Variants in DAP3 observed in about 807,000 individuals in gnomAD.
DAP3 encodes the protein small ribosomal subunit protein mS29.
In DAP3, 28 loss-of-function variants were observed where a neutral mutation model predicts 51.9. The observed-to-expected ratio is 0.54, with a 90% CI of 0.40 to 0.74. The LOEUF is 0.74. DAP3 is among the 30% of genes least tolerant of loss of function. DAP3 has a pLI of 0.00. For missense variants in DAP3, 458 were observed against 483.5 expected, an observed-to-expected ratio of 0.95 and a Z score of 0.49; for synonymous variants, 170 against 170.3, an observed-to-expected ratio of 1.00 and a Z score of 0.01.
chr1:155,700,942 G>A (rs1655173463), intron 1 of DAP3, among the ~76,000 whole-genome samples: 3 of 35,914 alleles, frequency 8.4e-5, no homozygotes, highest in South Asian at 1.2e-3. Context: ...CTGCCCGGCC[G>A]CCCCTACTGG....
chr1:155,721,554 A>G lies in DAP3; in HGVS notation c.206A>G (p.Asn69Ser), dbSNP rs753527370. The G allele has an allele frequency of 6.2e-6, 10 of 1,613,874 alleles. No individual in the cohort carries two copies. The highest frequency in any genetic ancestry group is 8.5e-6 in the Non-Finnish European group (10 of 1,180,022). ...HGDQHEGQHY[N>S]ISPQDLETVF... ...GATCAGCACGAGGGTCAGCACTACA[A>G]CATCTCCCCCCAGGATTTGGAGACT... The change falls in exon 4 of 13, where the codon AAC becomes AGC. Residue 69 changes from asparagine to serine, a missense_variant. Transcript: ENST00000368336.
chr1:155,702,530 ATG>A (rs2149128836), intron 1 of DAP3, among the ~76,000 whole-genome samples: 1 of 152,230 alleles, frequency 6.6e-6, no homozygotes, highest in Admixed American at 6.5e-5. Flanking sequence ...TGGAGCTCTT[ATG>A]AGTACGTCTA....
chr1:155,736,027 G>T, intron 11 of DAP3, among the ~76,000 whole-genome samples: 1 of 151,856 alleles, frequency 6.6e-6, no homozygotes, highest in South Asian at 2.1e-4. Context: ...ATTTAGTAGA[G>T]ATGGGGTTTC....
At chr1:155,719,724 T>C (rs1253006961) in intron 3 of DAP3, among the ~76,000 whole-genome samples, 1 of 151,706 alleles carries the variant, frequency 6.6e-6, no homozygotes, top group East Asian at 2.0e-4. Context: ...ATTTTTTGTA[T>C]TTTTTGTAGA....
intron 1 of DAP3, among the ~76,000 whole-genome samples, chr1:155,689,837 G>T (rs992134198): frequency 6.6e-5 from 10 of 152,124 alleles, no homozygotes; most frequent in African/African-American, 2.2e-4. Flanking sequence ...GCTTGAACCC[G>T]GGCGGCGGAA....
At chr1:155,717,711 A>T (rs990830552) in intron 3 of DAP3, among the ~76,000 whole-genome samples, 1 of 152,182 alleles carries the variant, frequency 6.6e-6, no homozygotes, top group African/African-American at 2.4e-5. Context: ...TTCAGAACCC[A>T]ATTTTTCTAA....
chr1:155,704,276 G>A lies in DAP3; in HGVS notation c.-7-5497G>A, dbSNP rs2779096. Among the ~76,000 whole-genome samples, 446 of 152,286 alleles carry A rather than the reference G, an allele frequency of 2.9e-3. 23 individuals are homozygous for A. In the South Asian group the frequency reaches 0.088, roughly 30 times the overall value. ...GTTCAAGATGATAGTGTCCTAGAAC[G>A]GAAGCTGATTACACGTTCTGACCGT... On this transcript the variant is annotated intron_variant, in intron 1 of 12. Transcript: ENST00000368336.
In DAP3 at chr1:155,718,751, T is replaced by G. The variant is rs562744598; in HGVS notation, c.168+1623T>G. Among the ~76,000 whole-genome samples, 9 of 147,008 alleles carry G rather than the reference T, an allele frequency of 6.1e-5. No individual in the cohort carries two copies. In the East Asian group the frequency reaches 8.0e-4, roughly 13 times the overall value. ...AGATAGATAGATAGATAGATAGATATAGATATAGATGAAGATATATATATA... is the reference window on the plus strand; with the variant it reads ...AGATAGATAGATAGATAGATAGATAGAGATATAGATGAAGATATATATATA... On this transcript the variant is annotated intron_variant, in intron 3 of 12. Transcript: ENST00000368336.
chr1:155,714,407 G>T (rs543389755), intron 2 of DAP3, among the ~76,000 whole-genome samples: 1 of 152,062 alleles, frequency 6.6e-6, no homozygotes, highest in East Asian at 1.9e-4. Flanking sequence ...ACCTATTTTC[G>T]GGAAGGTTAA....
chr1:155,703,892 A>G (rs2149131973), intron 1 of DAP3, among the ~76,000 whole-genome samples: 1 of 152,292 alleles, frequency 6.6e-6, no homozygotes, highest in Admixed American at 6.5e-5. Context: ...TCGCGCCTGC[A>G]ATCTCAGCAC....
intron 6 of DAP3, 125 bp from the exon 7 acceptor site, chr1:155,727,483 A>G (rs535089631): frequency 2.5e-5 from 27 of 1,085,752 alleles, no homozygotes; most frequent in African/African-American, 1.0e-4. Flanking sequence ...AAAAAAAAAA[A>G]AAAGAAAAGA....
At chr1:155,704,627 G>A (rs1013266555) in intron 1 of DAP3, among the ~76,000 whole-genome samples, 4 of 152,180 alleles carry the variant, frequency 2.6e-5, no homozygotes, top group East Asian at 1.9e-4. Flanking sequence ...TAGTGTGGGC[G>A]TGTGGAAGCA....
At chr1:155,721,425 G>T (rs1432329150) in intron 3 of DAP3, 92 bp from the exon 4 acceptor site, 4 of 763,290 alleles carry the variant, frequency 5.2e-6, no homozygotes, top group East Asian at 2.7e-5. Flanking sequence ...TATACACATA[G>T]ACATACATAT....
chr1:155,713,704 C>G (rs191321871), intron 2 of DAP3, among the ~76,000 whole-genome samples: 98 of 152,276 alleles, frequency 6.4e-4, no homozygotes, highest in African/African-American at 2.2e-3. Flanking sequence ...GATGTCAATT[C>G]TAGTTCACCA....
chr1:155,730,412 G>A (rs1659119410), intron 9 of DAP3, among the ~76,000 whole-genome samples: 1 of 151,760 alleles, frequency 6.6e-6, no homozygotes, highest in Admixed American at 6.6e-5. Context: ...GGAGTTTGAG[G>A]TCAGCCTGGG....
intron 1 of DAP3, among the ~76,000 whole-genome samples, chr1:155,692,324 T>C (rs915801760): frequency 5.6e-5 from 8 of 141,846 alleles, no homozygotes; most frequent in Admixed American, 2.0e-4. Context: ...TACTGTCCCA[T>C]GTTTTTATGG....
At chr1:155,688,908 G>A (rs1317255429), upstream of DAP3, 3 of 1,612,922 alleles carry the variant, frequency 1.9e-6, no homozygotes, top group South Asian at 2.2e-5. Flanking sequence ...AGGGTGGCCG[G>A]CCGAGTCCCA....
chr1:155,709,547 T>G (rs1393489850), intron 1 of DAP3, among the ~76,000 whole-genome samples: 1 of 152,192 alleles, frequency 6.6e-6, no homozygotes, highest in Non-Finnish European at 1.5e-5. Context: ...TGTAATGAGG[T>G]TCAAAAATCT....
chr1:155,688,229 G>T (rs1652860835), upstream of DAP3: 1 of 1,613,032 alleles, frequency 6.2e-7, no homozygotes, highest in Non-Finnish European at 8.5e-7. Flanking sequence ...GAGGAGAAGG[G>T]AAAGGTGGAG....
Sources: gnomAD v4.1 joint callset for allele counts (sites outside exome capture counted in the v4.1 genomes callset) on GRCh38, gnomAD v4.1.1 for gene constraint, MANE v1.5 for transcripts, NCBI Gene and HGNC (gene_info 2026-07-23, HGNC 2026-07-21) for gene names.